The following TMC8 variants were observed in gnomAD, a reference collection of about 807,000 sequenced individuals.
TMC8 encodes the protein transmembrane channel-like protein 8.
A neutral mutation model predicts 76.0 loss-of-function variants in TMC8; 71 were observed. The observed-to-expected ratio is 0.93, with a 90% CI of 0.77 to 1.14. TMC8 has a LOEUF of 1.14. Among genes scored for constraint, TMC8 ranks in the 50% most tolerant of loss-of-function variants. The pLI, the probability that TMC8 is intolerant of heterozygous loss-of-function variation, is 0.00. For synonymous variants in TMC8, 433 were observed against 433.8 expected (o/e 1.00, Z 0.02); for missense variants, 924 against 947.9 (o/e 0.97, Z 0.33).
chr17:78,136,932 A>T (rs2075248008), intron 9 of TMC8: 1 of 382,410 alleles, frequency 2.6e-6, no homozygotes. Flanking sequence ...AATCGCTTGA[A>T]CCCAGGAGGC....
chr17:78,132,825 C>T lies in TMC8; in HGVS notation c.486C>T (p.Gly162=), dbSNP rs1278449075. The T allele has an allele frequency of 9.9e-6, 16 of 1,614,100 alleles. No individual in the cohort carries two copies. Among genetic ancestry groups the T allele is most frequent in the African/African-American group, 4.0e-5 (3 of 74,946 alleles). The change falls in exon 5 of 16, where the codon GGC becomes GGT. Residue 162 remains glycine, a synonymous_variant. Transcript: ENST00000318430. ...QCPGSRQSPP[G]VLRFHNQLWH... Reference sequence around the variant, plus strand: ...CTGGTAGCCGCCAGTCCCCGCCTGGCGTTTTGAGGTTCCACAATCAACTTT... The same window carrying T: ...CTGGTAGCCGCCAGTCCCCGCCTGGTGTTTTGAGGTTCCACAATCAACTTT...
intron 3 of TMC8, 115 bp downstream of exon 3, chr17:78,132,145 C>A (rs743048): frequency 3.4e-6 from 5 of 1,479,160 alleles, no homozygotes; most frequent in Non-Finnish European, 4.6e-6. Context: ...CCCGACCAAT[C>A]GGCCCCTCCC....
rs1223286010 is a variant in TMC8, at chr17:78,132,349, C to G, written c.299-10C>G. 7.4e-6 allele frequency: 12 copies of G among 1,612,648 alleles called. No homozygotes were observed. Among genetic ancestry groups the G allele is most frequent in the African/African-American group, 1.3e-5 (1 of 75,014 alleles). On this transcript the variant is annotated splice_polypyrimidine_tract_variant and intron_variant, in intron 3 of 15. Transcript: ENST00000318430. Reference sequence around the variant, plus strand: ...CGGCCTCCCTGACCCACCCTGCTCTCCCACTGCAGGCCTCTTCGGCACAGG... The same window carrying G: ...CGGCCTCCCTGACCCACCCTGCTCTGCCACTGCAGGCCTCTTCGGCACAGG...
Position 78,141,161 on chromosome 17 carries a change from CT to C in TMC8, c.*51del. The C allele has an allele frequency of 6.8e-7, 1 of 1,465,840 alleles. No homozygotes were observed. Among genetic ancestry groups the C allele is most frequent in the South Asian group, 1.4e-5 (1 of 72,848 alleles). The allele number at this position is 1,465,840 out of a possible 1,614,324, so 90.8% of individuals were successfully genotyped here. A position where few individuals can be genotyped will look rare whatever the true frequency, so the allele number is the denominator to read the frequency against. ...CCTCCCTGGGGCCCCTTCAGGCCTC[CT>C]TACTCCATCTTCCAGACCCCTGGCG... On this transcript the variant is annotated 3_prime_UTR_variant, in exon 16 of 16. Transcript: ENST00000318430.
At chr17:78,140,667 C>A (rs573355217) in intron 15 of TMC8, among the ~76,000 whole-genome samples, 167 bp from the exon 16 acceptor site, 2 of 150,144 alleles carry the variant, frequency 1.3e-5, no homozygotes, top group South Asian at 2.1e-4. Context: ...GGGCGTGGCC[C>A]TGGGAGGGTG....
Position 78,131,941 on chromosome 17 carries a change from G to C in TMC8, c.209G>C (p.Arg70Pro). 1 of 1,508,914 alleles carries C rather than the reference G, an allele frequency of 6.6e-7. No homozygotes were observed. The allele number at this position is 1,508,914 out of a possible 1,614,324, so 93.5% of individuals were successfully genotyped here. The change falls in exon 3 of 16, where the codon CGG (arginine) becomes CCG (proline). Residue 70 changes from arginine (R) to proline (P), a missense_variant. Arg to Pro is a moderately radical substitution (Grantham distance 103, BLOSUM62 -2). Coordinates refer to ENST00000318430, the MANE Select transcript of TMC8 (RefSeq NM_152468.5). Reference sequence around the variant, plus strand: ...CGCTGGCAGCGGTGGCAGCGCCGGCGGCAGACGGTGGAAAGGCGCCTGCGG... The same window carrying C: ...CGCTGGCAGCGGTGGCAGCGCCGGCCGCAGACGGTGGAAAGGCGCCTGCGG... ...TLRWQRWQRR[R>P]QTVERRLREA...
In TMC8 at chr17:78,139,161, G is replaced by C. The variant is rs369371040; in HGVS notation, c.1824-1G>C. ...GACCACGAATCCCCTTCCCACCCAA[G>C]CCTTGTCCTGACGGTGTGCGTCTCC... On this transcript the variant is annotated splice_acceptor_variant, in intron 14 of 15. Transcript: ENST00000318430. LOFTEE classifies it high-confidence loss of function. The C allele has an allele frequency of 5.6e-6, 9 of 1,613,468 alleles. No individual in the cohort carries two copies. The highest frequency in any genetic ancestry group is 7.6e-6 in the Non-Finnish European group (9 of 1,180,048).
Position 78,134,017 on chromosome 17 carries a change from G to C in TMC8, c.816+17G>C. ...GAGTTCAAGGTGTGTGCACGAGTGA[G>C]TGCCTGAGATCCACAAGCTCCAGGT... On this transcript the variant is annotated intron_variant, in intron 7 of 15. Coordinates refer to ENST00000318430, the MANE Select transcript of TMC8 (RefSeq NM_152468.5). The C allele has an allele frequency of 1.9e-6, 3 of 1,613,624 alleles. No homozygotes were observed. Among genetic ancestry groups the C allele is most frequent in the Non-Finnish European group, 2.5e-6 (3 of 1,180,044 alleles).
chr17:78,140,728 T>C (rs2075355109), intron 15 of TMC8, 106 bp from the exon 16 acceptor site: 4 of 1,466,138 alleles, frequency 2.7e-6, no homozygotes, highest in East Asian at 2.5e-5. Context: ...CTGGCTACTT[T>C]GGGTGCGGGC....
Position 78,138,119 on chromosome 17 carries a change from C to T in TMC8, c.1464C>T (p.Gly488=). The T allele has an allele frequency of 6.2e-7, 1 of 1,613,826 alleles. No homozygotes were observed. Among genetic ancestry groups the T allele is most frequent in the African/African-American group, 1.3e-5 (1 of 74,886 alleles). The change falls in exon 12 of 16, where the codon GGC becomes GGT. Residue 488 remains glycine, a synonymous_variant. Transcript: ENST00000318430. ...CGGGGCAGACGGTCACCTGGATGGG[C>T]CTCTTCTACTGCCCCCTGCTGCCCC... ...IVAGQTVTWM[G]LFYCPLLPLL...
At chr17:78,132,693 G>T in intron 4 of TMC8, 95 bp from the exon 5 acceptor site, 1 of 1,531,678 alleles carries the variant, frequency 6.5e-7, no homozygotes, top group Non-Finnish European at 9.0e-7. Context: ...CCCCTGCCCA[G>T]GCCTCCCCAG....
At chr17:78,135,601 C>A (rs2075204879) in intron 9 of TMC8, among the ~76,000 whole-genome samples, 1 of 152,124 alleles carries the variant, frequency 6.6e-6, no homozygotes, top group Non-Finnish European at 1.5e-5. Flanking sequence ...CCTGTCTAGA[C>A]CCCCTACTTC....
chr17:78,131,539 T>A lies in TMC8; in HGVS notation c.-50T>A. 6.5e-7 allele frequency: 1 copy of A among 1,535,292 alleles called. No homozygotes were observed. Among genetic ancestry groups the A allele is most frequent in the Admixed American group, 2.0e-5 (1 of 50,900 alleles). The stretch of plus-strand genomic sequence containing the variant: ...AGGCTCATCCAACCGGGGACTCATA[T>A]CCCCCCCACCGGCAGCCCGGCGCCC... On this transcript the variant is annotated 5_prime_UTR_variant, in exon 2 of 16. Coordinates refer to ENST00000318430, the MANE Select transcript of TMC8 (RefSeq NM_152468.5).
intron 9 of TMC8, chr17:78,136,841 C>T (rs1014241384): frequency 1.5e-5 from 5 of 337,448 alleles, no homozygotes; most frequent in African/African-American, 8.6e-5. Context: ...GCGGGTGGAT[C>T]ACCTGAGGTC....
At chr17:78,133,750 C>T in intron 6 of TMC8, 103 bp from the exon 7 acceptor site, 1 of 1,570,538 alleles carries the variant, frequency 6.4e-7, no homozygotes, top group Non-Finnish European at 8.7e-7. Flanking sequence ...AGGACCTGCA[C>T]CTGGGGCTGC....
intron 11 of TMC8, 69 bp downstream of exon 11, chr17:78,137,883 A>ACAGCCAAGGGTGAGCGGGTC: frequency 6.3e-7 from 1 of 1,598,996 alleles, no homozygotes; most frequent in Non-Finnish European, 8.5e-7. Context: ...GCCAGTGGCT[A>ACAGCCAAGGGTGAGCGGGTC]CAGCCAAGGG....
intron 9 of TMC8, chr17:78,136,939 A>T: frequency 2.6e-6 from 1 of 390,830 alleles, no homozygotes; most frequent in East Asian, 6.1e-5. Flanking sequence ...TGAACCCAGG[A>T]GGCAGAGGTG....
rs917506797 is a variant in TMC8 at position 78,131,339 on chromosome 17, C to T, written c.-250C>T. On this transcript the variant is annotated 5_prime_UTR_variant, in exon 2 of 16. Coordinates refer to ENST00000318430, the MANE Select transcript of TMC8 (RefSeq NM_152468.5). ...CTGAGAGTTGGAGCGGGGCTGGGCC[C>T]GAATTCGACCGCAGCAGGATTCTCT... 1.7e-6 allele frequency: 1 copy of T among 595,352 alleles called. No individual in the cohort carries two copies. Among genetic ancestry groups the T allele is most frequent in the Non-Finnish European group, 3.0e-6 (1 of 336,328 alleles). The allele number at this position is 595,352 out of a possible 1,614,324, so 36.9% of individuals were successfully genotyped here.
Position 78,138,523 on chromosome 17 carries a change from G to C in TMC8, c.1664+44G>C, listed in dbSNP as rs565806022. The C allele has an allele frequency of 1.4e-4, 229 of 1,613,550 alleles. 1 individual carries two copies. The South Asian group carries it at 2.3e-3, about 16-fold the overall frequency. ...GGGCACCCAGAGGCTGGCAGGGGCA[G>C]TTTCTCACCCAGGACCCTGATGCCA... On this transcript the variant is annotated intron_variant, in intron 13 of 15. Coordinates refer to ENST00000318430, the MANE Select transcript of TMC8 (RefSeq NM_152468.5).
Sources: allele counts gnomAD v4.1 joint callset (sites outside exome capture counted in the v4.1 genomes callset), GRCh38; gene constraint gnomAD v4.1.1; transcripts MANE v1.5; gene names NCBI Gene and HGNC (gene_info 2026-07-23, HGNC 2026-07-21).